The following DOCK3 variants were observed in gnomAD, a reference collection of about 807,000 sequenced individuals.
DOCK3 encodes dedicator of cytokinesis 3.
Under a neutral mutation model 265.6 loss-of-function variants are expected in DOCK3, and 60 were observed. The ratio of observed to expected loss-of-function variants is 0.23; its 90% CI spans 0.18 to 0.28. The LOEUF (loss-of-function observed/expected upper bound fraction) is 0.28, where lower values mean the gene tolerates loss of function less well. Ranked by LOEUF, DOCK3 falls within the 10% of genes least tolerant of loss-of-function variation. The pLI is 1.00. For synonymous variants in DOCK3, 881 were observed against 938.0 expected (o/e 0.94, Z 1.11); for missense variants, 1,981 against 2,594.3 (o/e 0.76, Z 5.14).
chr3:51,207,750 C>T (rs1275636200), intron 12 of DOCK3, among the ~76,000 whole-genome samples: 7 of 152,128 alleles, frequency 4.6e-5, no homozygotes, highest in African/African-American at 1.7e-4. Flanking sequence ...AGTGGCCATG[C>T]TGAACTGGAC....
chr3:50,798,569 A>G (rs1251031487), intron 2 of DOCK3, among the ~76,000 whole-genome samples: 1 of 151,880 alleles, frequency 6.6e-6, no homozygotes, highest in African/African-American at 2.4e-5. Context: ...CCCATTTTGT[A>G]ATTGGATTTT....
intron 3 of DOCK3, chr3:50,877,451 A>G (rs751211404): frequency 1.9e-5 from 10 of 519,940 alleles, no homozygotes; most frequent in Admixed American, 9.7e-5. Flanking sequence ...CTCACCACTT[A>G]TAAGGCTGAG....
intron 34 of DOCK3, 37 bp from the exon 35 acceptor site, chr3:51,333,121 T>C (rs765725911): frequency 5.6e-6 from 9 of 1,613,612 alleles, no homozygotes; most frequent in African/African-American, 1.3e-5. Context: ...AGAAGGCTCA[T>C]GAATTGTGTT....
intron 2 of DOCK3, among the ~76,000 whole-genome samples, chr3:50,798,963 A>G (rs1381310466): frequency 6.6e-6 from 1 of 152,110 alleles, no homozygotes; most frequent in Non-Finnish European, 1.5e-5. Flanking sequence ...TTTCAGCATA[A>G]TTTATTGAAA....
In DOCK3 at chr3:50,833,073, G is replaced by T. The variant is rs117800522; in HGVS notation, c.122-8602G>T. Among the ~76,000 whole-genome samples, 28 of 152,264 alleles carry T rather than the reference G, an allele frequency of 1.8e-4. No individual in the cohort carries two copies. In the East Asian group the frequency reaches 4.8e-3, roughly 26 times the overall value. ...AAAGCTTTTCATGAACTGGGCAGTTGTTGGAACCAAGCTGATATGGGGCTG... is the reference window on the plus strand; with the variant it reads ...AAAGCTTTTCATGAACTGGGCAGTTTTTGGAACCAAGCTGATATGGGGCTG... On this transcript the variant is annotated intron_variant, in intron 2 of 52. Coordinates refer to ENST00000266037, the MANE Select transcript of DOCK3 (RefSeq NM_004947.5).
intron 9 of DOCK3, among the ~76,000 whole-genome samples, chr3:51,131,761 T>C (rs2084563430): frequency 6.6e-6 from 1 of 152,238 alleles, no homozygotes; most frequent in South Asian, 2.1e-4. Context: ...ATTTTGCCTG[T>C]GACAGTTGAG....
At chr3:50,788,205 G>A in intron 2 of DOCK3, 1 of 765,662 alleles carries the variant, frequency 1.3e-6, no homozygotes, top group Non-Finnish European at 2.0e-6. Flanking sequence ...GCCCATGACG[G>A]CTATCATCTT....
intron 5 of DOCK3, among the ~76,000 whole-genome samples, chr3:51,024,139 G>A (rs1443776919): frequency 1.3e-5 from 2 of 152,100 alleles, no homozygotes; most frequent in Admixed American, 6.5e-5. Context: ...TTAAGACTCT[G>A]TATGAGTTCC....
intron 1 of DOCK3, among the ~76,000 whole-genome samples, chr3:50,753,382 G>T (rs924410001): frequency 2.6e-5 from 4 of 151,844 alleles, no homozygotes; most frequent in African/African-American, 9.7e-5. Context: ...TTACTTTGTT[G>T]CCCAGGGTGG....
At chr3:51,212,786 T>G (rs962359078) in intron 13 of DOCK3, among the ~76,000 whole-genome samples, 90 of 152,192 alleles carry the variant, frequency 5.9e-4, no homozygotes, top group African/African-American at 2.1e-3. Context: ...CTAACCAGAA[T>G]GCCAACTGGA....
At chr3:51,216,334 GC>G (rs1441315124) in intron 14 of DOCK3, among the ~76,000 whole-genome samples, 2 of 152,194 alleles carry the variant, frequency 1.3e-5, no homozygotes, top group Non-Finnish European at 2.9e-5. Flanking sequence ...TTGGCACACA[GC>G]TAGACATGAC....
intron 2 of DOCK3, among the ~76,000 whole-genome samples, chr3:50,789,450 G>T (rs999791440): frequency 6.6e-6 from 1 of 152,168 alleles, no homozygotes; most frequent in Non-Finnish European, 1.5e-5. Flanking sequence ...TGTATATTCT[G>T]CAGTTGTTGG....
At chr3:51,030,596 CA>C (rs2080010062) in intron 5 of DOCK3, among the ~76,000 whole-genome samples, 1 of 152,032 alleles carries the variant, frequency 6.6e-6, no homozygotes, top group Admixed American at 6.5e-5. Flanking sequence ...TTTTTGTCTC[CA>C]AAACACTGCT....
At chr3:50,935,591 G>A (rs2051314371) in intron 5 of DOCK3, among the ~76,000 whole-genome samples, 1 of 152,180 alleles carries the variant, frequency 6.6e-6, no homozygotes, top group Admixed American at 6.5e-5. Flanking sequence ...GGAAGACTCT[G>A]ACTTCCACCC....
At chr3:51,153,328 T>C (rs2085700540) in intron 10 of DOCK3, among the ~76,000 whole-genome samples, 1 of 152,140 alleles carries the variant, frequency 6.6e-6, no homozygotes, top group Admixed American at 6.5e-5. Context: ...CAGGATGTAA[T>C]CTCCTGGTGT....
intron 5 of DOCK3, among the ~76,000 whole-genome samples, chr3:51,018,902 G>A (rs1386386384): frequency 6.6e-6 from 1 of 151,794 alleles, no homozygotes; most frequent in Non-Finnish European, 1.5e-5. Flanking sequence ...ATCTTGGATA[G>A]GAATCTTTTA....
intron 5 of DOCK3, among the ~76,000 whole-genome samples, chr3:50,935,076 C>T (rs1324999195): frequency 6.6e-6 from 1 of 152,084 alleles, no homozygotes; most frequent in Admixed American, 6.5e-5. Context: ...TATATCCTGA[C>T]CTGGTCTCTA....
At chr3:51,346,588 G>A (rs1290046095) in intron 38 of DOCK3, among the ~76,000 whole-genome samples, 2 of 152,142 alleles carry the variant, frequency 1.3e-5, no homozygotes, top group East Asian at 3.8e-4. Flanking sequence ...TGAATGTGCT[G>A]CAATAAACAT....
At chr3:51,046,549 TA>T (rs1235445364) in intron 5 of DOCK3, among the ~76,000 whole-genome samples, 2 of 152,210 alleles carry the variant, frequency 1.3e-5, no homozygotes, top group African/African-American at 4.8e-5. Flanking sequence ...AGAACAATTA[TA>T]AATATATATG....
Sources: gnomAD v4.1 joint callset for allele counts (sites outside exome capture counted in the v4.1 genomes callset) on GRCh38, gnomAD v4.1.1 for gene constraint, MANE v1.5 for transcripts, NCBI Gene and HGNC (gene_info 2026-07-23, HGNC 2026-07-21) for gene names.